The following RGPD4 variants were observed in gnomAD, a reference collection of about 807,000 sequenced individuals.
RGPD4 encodes ranBP2-like and GRIP domain-containing protein 4.
In RGPD4, 84 loss-of-function variants were observed where a neutral mutation model predicts 141.1. That is an observed-to-expected ratio of 0.60 (90% CI 0.50 to 0.71). The LOEUF (loss-of-function observed/expected upper bound fraction) is 0.71, where lower values mean the gene tolerates loss of function less well. Among genes scored for constraint, RGPD4 ranks in the 30% least tolerant of loss-of-function variants. The pLI is 0.00. For missense variants in RGPD4, 918 were observed against 1,622.4 expected, an observed-to-expected ratio of 0.57 and a Z score of 7.46; for synonymous variants, 298 against 566.8, an observed-to-expected ratio of 0.53 and a Z score of 6.74.
At chr2:107,829,529 AGGCGGCGGCCTCGACCTGGCCC>A (rs1413353684) in intron 1 of RGPD4, among the ~76,000 whole-genome samples, 2 of 136,532 alleles carry the variant, frequency 1.5e-5, no homozygotes, top group Admixed American at 7.4e-5. Context: ...CGCTCTGTTG[AGGCGGCGGCCTCGACCTGGCCC>A]GGCGGCGGCC....
intron 1 of RGPD4, among the ~76,000 whole-genome samples, chr2:107,827,585 C>A (rs866390209): frequency 1.8e-5 from 1 of 55,850 alleles, no homozygotes; most frequent in Non-Finnish European, 3.5e-5. Context: ...GTTGAGGCGG[C>A]GGCCTCGACC....
Position 107,827,100 on chromosome 2 carries a change from A to C in RGPD4, c.72+15A>C, listed in dbSNP as rs764855886. On this transcript the variant is annotated intron_variant, in intron 1 of 22. Transcript: ENST00000408999. ...CGCCTCGAAAGGTGAGTGGATCTCGAAGAGACCGACGGCCTCGACCTGGCC... is the reference window on the plus strand; with the variant it reads ...CGCCTCGAAAGGTGAGTGGATCTCGCAGAGACCGACGGCCTCGACCTGGCC... The C allele has an allele frequency of 1.0e-5, 16 of 1,584,382 alleles. No individual in the cohort carries two copies. The highest frequency in any genetic ancestry group is 5.4e-5 in the Admixed American group (3 of 55,970).
At position 107,890,820 on chromosome 2, in the gene RGPD4, A is replaced by G; in HGVS notation, c.*89A>G. 3 of 1,557,604 alleles carry G rather than the reference A, an allele frequency of 1.9e-6. No individual in the cohort carries two copies. Among genetic ancestry groups the G allele is most frequent in the Non-Finnish European group, 1.7e-6 (2 of 1,143,996 alleles). On this transcript the variant is annotated 3_prime_UTR_variant, in exon 23 of 23. Transcript: ENST00000408999. ...GATGGAAGGAATATTTTTATTAACC[A>G]AATAAAATCTATTTACAAAAATGGT...
chr2:107,844,349 C>T (rs1027135183), intron 6 of RGPD4, among the ~76,000 whole-genome samples: 8 of 151,926 alleles, frequency 5.3e-5, no homozygotes, highest in Non-Finnish European at 1.0e-4. Context: ...TGGCCCCTGC[C>T]TAATTTTGTT....
chr2:107,828,522 T>G (rs868196838), intron 1 of RGPD4, among the ~76,000 whole-genome samples: 1,139 of 76,492 alleles, frequency 0.015, no homozygotes, highest in African/African-American at 0.029. Context: ...GGCGGCGGCC[T>G]CGATGGCTCA....
intron 21 of RGPD4, among the ~76,000 whole-genome samples, chr2:107,881,661 G>A (rs377403475): frequency 3.7e-4 from 55 of 150,064 alleles, no homozygotes; most frequent in African/African-American, 1.3e-3. Flanking sequence ...TGATTTCTTC[G>A]TCTTCTTTAT....
chr2:107,886,773 A>C (rs1182488011), intron 22 of RGPD4, among the ~76,000 whole-genome samples: 1 of 152,064 alleles, frequency 6.6e-6, no homozygotes, highest in Non-Finnish European at 1.5e-5. Context: ...ACTGAAGGAA[A>C]CAGGGCCCAT....
At chr2:107,863,563 G>A (rs978503301) in intron 17 of RGPD4, among the ~76,000 whole-genome samples, 1 of 151,100 alleles carries the variant, frequency 6.6e-6, no homozygotes, top group Non-Finnish European at 1.5e-5. Context: ...TGCAATCTTG[G>A]CTCACTGCAA....
chr2:107,869,779 T>C, intron 18 of RGPD4, 104 bp from the exon 19 acceptor site: 1 of 1,347,068 alleles, frequency 7.4e-7, no homozygotes. Context: ...GTTAAATCTT[T>C]CTTTAATTTC....
intron 7 of RGPD4, among the ~76,000 whole-genome samples, chr2:107,854,126 C>G (rs1212258276): frequency 7.5e-6 from 1 of 133,048 alleles, no homozygotes; most frequent in Admixed American, 7.6e-5. Context: ...ACAGTCTCGG[C>G]GCACTACAAC....
intron 1 of RGPD4, among the ~76,000 whole-genome samples, chr2:107,829,860 C>A (rs1019442105): frequency 1.3e-5 from 2 of 151,978 alleles, no homozygotes; most frequent in Non-Finnish European, 1.5e-5. Flanking sequence ...GGTGCTGTAT[C>A]GGCGGGTTTC....
At position 107,859,423 on chromosome 2, in the gene RGPD4, G is replaced by A; in HGVS notation, c.1503G>A (p.Lys501=). 6.2e-7 allele frequency: 1 copy of A among 1,610,244 alleles called. No homozygotes were observed. The highest frequency in any genetic ancestry group is 1.1e-5 in the South Asian group (1 of 90,936). ...GVVYTSHLQL[K]EKCNSHHSSY... The stretch of plus-strand genomic sequence containing the variant: ...TATATACCAGCCACTTACAATTAAA[G>A]GAGAAATGTAATTCTCACCACAGCT... Residue 501 remains lysine (K), a synonymous_variant, in exon 11 of 23, where the codon AAG becomes AAA. Transcript: ENST00000408999.
Position 107,871,825 on chromosome 2 carries a change from C to T in RGPD4, c.3821C>T (p.Ala1274Val), listed in dbSNP as rs1416729651. ...SSSSVHASPL[A>V]SSPVRKNLFH... is the part of the protein sequence containing the mutation. Reference sequence around the variant, plus strand: ...AGCTCAGTACATGCTTCTCCATTGGCAAGTAGCCCTGTGAGAAAAAATCTT... The same window carrying T: ...AGCTCAGTACATGCTTCTCCATTGGTAAGTAGCCCTGTGAGAAAAAATCTT... The change falls in exon 20 of 23, where the codon GCA becomes GTA. Residue 1274 changes from alanine to valine, a missense_variant. Coordinates refer to ENST00000408999, the MANE Select transcript of RGPD4 (RefSeq NM_182588.3). The T allele has an allele frequency of 1.2e-6, 2 of 1,611,588 alleles. No homozygotes were observed. The highest frequency in any genetic ancestry group is 1.7e-5 in the Admixed American group (1 of 59,986).
chr2:107,858,167 A>G (rs1682394381), intron 9 of RGPD4, among the ~76,000 whole-genome samples: 1 of 152,000 alleles, frequency 6.6e-6, no homozygotes. Context: ...AGTAGTCATA[A>G]TTTGCTTGCT....
chr2:107,884,094 T>C (rs1366488320), intron 22 of RGPD4, among the ~76,000 whole-genome samples: 2 of 151,722 alleles, frequency 1.3e-5, no homozygotes, highest in African/African-American at 4.9e-5. Context: ...TGATGTTCCT[T>C]AAGCTTTATT....
rs201108061 is a variant in RGPD4, at chr2:107,882,682, G to A, written c.5075G>A (p.Ser1692Asn). Residue 1692 changes from serine to asparagine, a missense_variant, in exon 22 of 23, where the codon AGT (serine) becomes AAT (asparagine). Transcript: ENST00000408999. ...TTTCTCTAACACCAGCTTCTCAAAA[G>A]TGAAATAAGAAGATTGGAAAGGAAT... The part of the protein sequence containing the change: ...VLMEQIKLLK[S>N]EIRRLERNQE... The A allele has an allele frequency of 4.6e-3, 7,338 of 1,611,290 alleles. 22 individuals carry two copies. The highest frequency in any genetic ancestry group is 5.9e-3 in the Non-Finnish European group (6,982 of 1,179,822).
intron 1 of RGPD4, among the ~76,000 whole-genome samples, 162 bp downstream of exon 1, chr2:107,827,247 C>A (rs1681236176): frequency 1.5e-5 from 2 of 136,570 alleles, no homozygotes; most frequent in African/African-American, 5.7e-5. Flanking sequence ...GGCCCGGCGG[C>A]GGCCTCGATG....
In RGPD4 at chr2:107,872,644, A is replaced by G. The variant is rs777659701; in HGVS notation, c.4640A>G (p.Lys1547Arg). 128 of 1,609,530 alleles carry G rather than the reference A, an allele frequency of 8.0e-5. No individual in the cohort carries two copies. Among genetic ancestry groups the G allele is most frequent in the African/African-American group, 1.4e-5 (1 of 73,558 alleles). The change falls in exon 20 of 23, where the codon AAA (lysine) becomes AGA (arginine). Residue 1547 changes from lysine to arginine, a missense_variant. By Grantham distance (26) the Lys-to-Arg change is conservative (BLOSUM62 2). Coordinates refer to ENST00000408999, the MANE Select transcript of RGPD4 (RefSeq NM_182588.3). ...TTTGTATTTGGTTCAGAGTCTGTTA[A>G]AAGAATTTTTAGTAGTGAAAAATCA... ...PKFVFGSESV[K>R]RIFSSEKSKP...
At position 107,880,309 on chromosome 2, in the gene RGPD4, G is replaced by T. The variant is rs565362077; in HGVS notation, c.5064+202G>T. On this transcript the variant is annotated intron_variant, in intron 21 of 22. Transcript: ENST00000408999. Reference sequence around the variant, plus strand: ...GAGACAGTCTTGCTTTGTCACGCAGGCTGGAGTGCAGTGGCACGATCCCGG... The same window carrying T: ...GAGACAGTCTTGCTTTGTCACGCAGTCTGGAGTGCAGTGGCACGATCCCGG... Among the ~76,000 whole-genome samples the T allele has an allele frequency of 6.3e-4, 72 of 114,106 alleles. No homozygotes were observed. In the South Asian group the frequency reaches 0.023, roughly 36 times the overall value. 74.9% of individuals were successfully genotyped at this position (114,106 alleles called of 152,430 possible).
Sources: gnomAD v4.1 joint callset for allele counts (sites outside exome capture counted in the v4.1 genomes callset) on GRCh38, gnomAD v4.1.1 for gene constraint, MANE v1.5 for transcripts, NCBI Gene and HGNC (gene_info 2026-07-23, HGNC 2026-07-21) for gene names.